The following ADAM32 variants were observed in gnomAD, a reference collection of about 807,000 sequenced individuals.
ADAM32 encodes ADAM metallopeptidase domain 32, also known as disintegrin and metalloproteinase domain-containing protein 32.
ADAM32 carries 89 observed loss-of-function variants against 114.9 expected under a neutral mutation model. That is an observed-to-expected ratio of 0.77 (90% confidence interval 0.65 to 0.92). ADAM32 has a LOEUF of 0.92. Ranked by LOEUF, ADAM32 falls within the 40% of genes least tolerant of loss-of-function variation. ADAM32 has a pLI of 0.00. For synonymous variants in ADAM32, 285 were observed against 307.5 expected, an observed-to-expected ratio of 0.93 and a Z score of 0.77; for missense variants, 870 against 932.8, an observed-to-expected ratio of 0.93 and a Z score of 0.88.
At chr8:39,273,235 GTGGCTCACTCC>G (rs746877865) in intron 20 of ADAM32, among the ~76,000 whole-genome samples, 216 of 152,234 alleles carry the variant, frequency 1.4e-3, no homozygotes, top group Admixed American at 2.7e-3. Flanking sequence ...GCCTGGCGCG[GTGGCTCACTCC>G]TGTAATCCCA....
chr8:39,219,318 C>G (rs1808792945), intron 12 of ADAM32, among the ~76,000 whole-genome samples: 1 of 152,150 alleles, frequency 6.6e-6, no homozygotes, highest in African/African-American at 2.4e-5. Context: ...CAGCTCACCA[C>G]TAGGACTTGC....
At chr8:39,228,228 A>G (rs536595765) in intron 14 of ADAM32, among the ~76,000 whole-genome samples, 2 of 152,214 alleles carry the variant, frequency 1.3e-5, no homozygotes, top group Non-Finnish European at 2.9e-5. Context: ...CTCAAATGAG[A>G]AGGAACCAGA....
intron 1 of ADAM32, among the ~76,000 whole-genome samples, chr8:39,111,707 C>A (rs1481148514): frequency 1.9e-5 from 2 of 104,678 alleles, no homozygotes; most frequent in Non-Finnish European, 3.5e-5. Context: ...GGCAACAGAG[C>A]AAGACTCTTT....
chr8:39,259,078 T>C lies in ADAM32; in HGVS notation c.2162+1735T>C, dbSNP rs139582971. 5.3e-3 allele frequency among the ~76,000 whole-genome samples: 805 copies of C among 152,284 alleles called. 20 individuals carry two copies. Among genetic ancestry groups the C allele is most frequent in the East Asian group, 8.7e-3 (45 of 5,190 alleles). On this transcript the variant is annotated intron_variant, in intron 19 of 24. Coordinates refer to ENST00000379907, the MANE Select transcript of ADAM32 (RefSeq NM_145004.7). The stretch of plus-strand genomic sequence containing the variant: ...TGAAATGCACTAATGGAGTTCATTA[T>C]GCTCATATGCTTAATCCATGATGAC...
rs1022092600 is a variant in ADAM32, at chr8:39,254,663, A to G, written c.2005+147A>G. On this transcript the variant is annotated intron_variant, in intron 18 of 24. Coordinates refer to ENST00000379907, the MANE Select transcript of ADAM32 (RefSeq NM_145004.7). ...GAATTCTCTCAAGGAATGGAAACCA[A>G]ACATGCCATCTTAATCTTGCTCTCT... The G allele has an allele frequency of 9.0e-6, 5 of 553,844 alleles. No individual in the cohort carries two copies. The African/African-American group carries it at 9.9e-5, about 11-fold the overall frequency. The allele number at this position is 553,844 out of a possible 1,614,324, so 34.3% of individuals were successfully genotyped here. A position where few individuals can be genotyped will look rare whatever the true frequency, so the allele number is the denominator to read the frequency against.
At chr8:39,277,513 C>G (rs1446896377) in intron 22 of ADAM32, among the ~76,000 whole-genome samples, 2 of 152,212 alleles carry the variant, frequency 1.3e-5, no homozygotes, top group Non-Finnish European at 2.9e-5. Flanking sequence ...ATTTCCCTGA[C>G]CCCTTCAGGG....
intron 2 of ADAM32, among the ~76,000 whole-genome samples, chr8:39,131,351 C>T (rs1311001354): frequency 6.6e-6 from 1 of 152,084 alleles, no homozygotes; most frequent in Non-Finnish European, 1.5e-5. Flanking sequence ...AATAGCCAGC[C>T]ATGGTGGCAC....
chr8:39,278,749 C>T (rs1813245190), intron 22 of ADAM32, among the ~76,000 whole-genome samples: 1 of 151,886 alleles, frequency 6.6e-6, no homozygotes. Context: ...ATTGTTGAAT[C>T]CATTGATTTT....
At chr8:39,260,984 G>A (rs866147087) in intron 19 of ADAM32, among the ~76,000 whole-genome samples, 1 of 151,958 alleles carries the variant, frequency 6.6e-6, no homozygotes, top group Admixed American at 6.6e-5. Context: ...GGCACACAGG[G>A]ATGTTTCAGT....
chr8:39,245,566 G>A (rs1445086617), intron 16 of ADAM32, among the ~76,000 whole-genome samples: 1 of 152,140 alleles, frequency 6.6e-6, no homozygotes, highest in Non-Finnish European at 1.5e-5. Flanking sequence ...GACACCAGGG[G>A]CTTGTGCATG....
chr8:39,188,679 A>G (rs1434259329), intron 11 of ADAM32, among the ~76,000 whole-genome samples: 1 of 152,144 alleles, frequency 6.6e-6, no homozygotes. Context: ...AAGTTATAAA[A>G]AGGATAATTA....
At chr8:39,218,339 C>T (rs1808728987) in intron 12 of ADAM32, among the ~76,000 whole-genome samples, 2 of 152,110 alleles carry the variant, frequency 1.3e-5, no homozygotes, top group African/African-American at 4.8e-5. Context: ...CACTGGGTCT[C>T]ACGCAAGGCT....
At chr8:39,152,353 G>A (rs574151750) in intron 6 of ADAM32, among the ~76,000 whole-genome samples, 1 of 152,284 alleles carries the variant, frequency 6.6e-6, no homozygotes, top group South Asian at 2.1e-4. Flanking sequence ...GCATAACTAT[G>A]CATAGTTTAT....
At chr8:39,244,343 A>G (rs979773834) in intron 16 of ADAM32, among the ~76,000 whole-genome samples, 5 of 152,256 alleles carry the variant, frequency 3.3e-5, no homozygotes, top group East Asian at 3.9e-4. Context: ...AACAAAACAA[A>G]ATAAGAAAAC....
At chr8:39,143,098 C>T (rs776876113) in intron 3 of ADAM32, among the ~76,000 whole-genome samples, 5 of 152,134 alleles carry the variant, frequency 3.3e-5, no homozygotes, top group Admixed American at 6.5e-5. Context: ...TTCTAGTTAG[C>T]CATTTGTCTA....
intron 11 of ADAM32, among the ~76,000 whole-genome samples, chr8:39,199,700 C>A (rs979500373): frequency 1.3e-4 from 19 of 151,912 alleles, no homozygotes; most frequent in Admixed American, 9.8e-4. Flanking sequence ...TATACATGTG[C>A]CATGTTGGTG....
chr8:39,173,744 C>G (rs1397705500), intron 10 of ADAM32, among the ~76,000 whole-genome samples: 2 of 152,134 alleles, frequency 1.3e-5, no homozygotes, highest in African/African-American at 4.8e-5. Flanking sequence ...TCCCATGCCT[C>G]TGTCCTGAAT....
At chr8:39,187,302 C>T (rs1245845794) in intron 11 of ADAM32, among the ~76,000 whole-genome samples, 4 of 152,246 alleles carry the variant, frequency 2.6e-5, no homozygotes, top group African/African-American at 7.2e-5. Flanking sequence ...GATGGAGTCT[C>T]GCTCTTTCGC....
At chr8:39,215,191 T>A (rs1808478507) in intron 12 of ADAM32, among the ~76,000 whole-genome samples, 1 of 151,402 alleles carries the variant, frequency 6.6e-6, no homozygotes, top group Admixed American at 6.6e-5. Flanking sequence ...AATTTTAGGA[T>A]TTTTTTTTCT....
Sources: allele counts gnomAD v4.1 joint callset (sites outside exome capture counted in the v4.1 genomes callset), GRCh38; gene constraint gnomAD v4.1.1; transcripts MANE v1.5; gene names NCBI Gene and HGNC (gene_info 2026-07-23, HGNC 2026-07-21).